The following SFSWAP variants were observed in gnomAD, a reference collection of about 807,000 sequenced individuals.
SFSWAP encodes the protein splicing factor, suppressor of white-apricot homolog.
Under a neutral mutation model 100.7 loss-of-function variants are expected in SFSWAP, and 17 were observed. The ratio of observed to expected loss-of-function variants is 0.17; its 90% CI spans 0.12 to 0.25. The LOEUF (loss-of-function observed/expected upper bound fraction) is 0.25. SFSWAP is among the 10% of genes least tolerant of loss of function. The probability of loss-of-function intolerance (pLI) is 1.00; values close to 1 mark genes in which losing one functional copy is unlikely to be tolerated. For missense variants in SFSWAP, 1,005 were observed against 1,262.6 expected, an observed-to-expected ratio of 0.80 and a Z score of 3.09; for synonymous variants, 504 against 510.1, an observed-to-expected ratio of 0.99 and a Z score of 0.16.
Position 131,778,312 on chromosome 12 carries a change from G to A in SFSWAP, c.2390G>A (p.Arg797Gln), listed in dbSNP as rs1203504469. Residue 797 changes from arginine to glutamine, a missense_variant, in exon 14 of 18, where the codon CGG becomes CAG. Arg to Gln is a conservative substitution (Grantham distance 43). Transcript: ENST00000261674. This position sits in a 1 kb window ranked among gnomAD's most constrained non-coding sequence, Gnocchi z 4.2. The part of the protein sequence containing the change: ...KAKHSLPSAY[R>Q]TVRRSRSRSR... ...AAGCATTCTCTTCCCAGTGCCTATC[G>A]GACAGTGCGGCGGTCGAGGTGGGTG... The A allele has an allele frequency of 2.5e-6, 4 of 1,613,802 alleles. No homozygotes were observed. The highest frequency in any genetic ancestry group is 1.7e-5 in the Admixed American group (1 of 59,946).
chr12:131,762,693 C>T (rs568760687), intron 11 of SFSWAP, among the ~76,000 whole-genome samples: 22 of 152,230 alleles, frequency 1.4e-4, no homozygotes, highest in African/African-American at 4.3e-4. Context: ...CTCTGCCTCC[C>T]GGGTTCAAGT....
chr12:131,783,075 G>A (rs1187235393), intron 14 of SFSWAP, among the ~76,000 whole-genome samples: 1 of 151,928 alleles, frequency 6.6e-6, no homozygotes, highest in Non-Finnish European at 1.5e-5. Context: ...CAGCTACTCG[G>A]GAGGCTGAGG....
At chr12:131,757,202 C>G (rs923867916) in intron 11 of SFSWAP, 7 of 152,966 alleles carry the variant, frequency 4.6e-5, no homozygotes, top group African/African-American at 7.2e-5. Flanking sequence ...AGTGGGCTCC[C>G]CCCGCGGGAG....
chr12:131,777,974 G>A (rs1279307512), intron 13 of SFSWAP, 91 bp from the exon 14 acceptor site: 1 of 1,523,150 alleles, frequency 6.6e-7, no homozygotes, highest in African/African-American at 1.4e-5. Context: ...GTGTTTGTTG[G>A]TGTGAGGGGC....
chr12:131,711,479 C>A lies in SFSWAP; in HGVS notation c.218+32C>A. On this transcript the variant is annotated intron_variant, in intron 1 of 17. Transcript: ENST00000261674. The surrounding 1 kb of genome is among the most constrained non-coding windows in gnomAD (Gnocchi z 4.9). ...TCCTCTCCCCACCCGTCGATCCTTC[C>A]CTTCCCTCACCCGCTTGATCTCGTC... The A allele has an allele frequency of 2.0e-6, 3 of 1,533,180 alleles. No individual in the cohort carries two copies. Among genetic ancestry groups the A allele is most frequent in the Non-Finnish European group, 2.7e-6 (3 of 1,109,306 alleles). The allele number at this position is 1,533,180 out of a possible 1,614,324, so 95.0% of individuals were successfully genotyped here. A position where few individuals can be genotyped will look rare whatever the true frequency, so the allele number is the denominator to read the frequency against.
At chr12:131,728,895 A>G (rs1879246749) in intron 7 of SFSWAP, among the ~76,000 whole-genome samples, 2 of 151,970 alleles carry the variant, frequency 1.3e-5, no homozygotes, top group South Asian at 2.1e-4. Flanking sequence ...GGGTCTCACT[A>G]TGTTGCCCAG....
chr12:131,733,363 GT>G lies in SFSWAP; in HGVS notation c.1081+4936del, dbSNP rs1357390852. On this transcript the variant is annotated intron_variant, in intron 7 of 17. Transcript: ENST00000261674. This position sits in a 1 kb window ranked among gnomAD's most constrained non-coding sequence, Gnocchi z 5.1. Reference sequence around the variant, plus strand: ...CTATAAGGCGCCTTTCACATTGAGGGTCTTAGGATTTGCAGTCCAGCTTTGC... The same window carrying G: ...CTATAAGGCGCCTTTCACATTGAGGGCTTAGGATTTGCAGTCCAGCTTTGC... 6.6e-6 allele frequency among the ~76,000 whole-genome samples: 1 copy of G among 152,166 alleles called. No homozygotes were observed. The highest frequency in any genetic ancestry group is 2.4e-5 in the African/African-American group (1 of 41,440).
chr12:131,756,299 T>C (rs1566031897), intron 10 of SFSWAP, among the ~76,000 whole-genome samples, 174 bp from the exon 11 acceptor site: 2 of 152,254 alleles, frequency 1.3e-5, no homozygotes, highest in African/African-American at 4.8e-5. Context: ...CTTTGATACA[T>C]TCCATTGTAA....
At chr12:131,741,514 G>T (rs1018378202) in intron 7 of SFSWAP, among the ~76,000 whole-genome samples, 2 of 151,976 alleles carry the variant, frequency 1.3e-5, no homozygotes, top group Non-Finnish European at 1.5e-5. Flanking sequence ...GCGCACACCT[G>T]TGGTCCCAGC....
At chr12:131,712,135 T>A (rs1053423246) in intron 1 of SFSWAP, 2 of 152,542 alleles carry the variant, frequency 1.3e-5, no homozygotes, top group African/African-American at 2.4e-5. Context: ...GAAGAGATAG[T>A]GTTCTTAGGG....
rs774006991 is a variant in SFSWAP at position 131,797,222 on chromosome 12, C to A, written c.2579C>A (p.Thr860Asn). ...AAGAAGAGGCGGTCCCGGTCGCGGA[C>A]CAAGTCCAAGGCCAGGTCTCAGTCG... ...KKKKRRSRSR[T>N]KSKARSQSVS... The change falls in exon 16 of 18, where the codon ACC becomes AAC. Residue 860 changes from threonine (T) to asparagine (N), a missense_variant. By Grantham distance (65) the Thr-to-Asn change is moderately conservative. Transcript: ENST00000261674. The A allele has an allele frequency of 6.2e-7, 1 of 1,612,244 alleles. No individual in the cohort carries two copies. Among genetic ancestry groups the A allele is most frequent in the Non-Finnish European group, 8.5e-7 (1 of 1,179,816 alleles).
chr12:131,797,135 T>C, intron 15 of SFSWAP, 43 bp from the exon 16 acceptor site: 1 of 1,575,008 alleles, frequency 6.3e-7, no homozygotes, highest in Non-Finnish European at 8.6e-7. Context: ...TGCCCTGCCT[T>C]TAAACCAAAG....
chr12:131,728,158 C>A, intron 6 of SFSWAP, 135 bp from the exon 7 acceptor site: 8 of 942,214 alleles, frequency 8.5e-6, no homozygotes, highest in Non-Finnish European at 1.3e-5. Context: ...CTCGTTAGGA[C>A]CTCCATGGGT....
intron 15 of SFSWAP, among the ~76,000 whole-genome samples, chr12:131,790,893 G>C (rs1885187865): frequency 1.3e-5 from 2 of 152,086 alleles, no homozygotes; most frequent in African/African-American, 4.8e-5. Context: ...AAACAAAAAT[G>C]TAGCTAAAAA....
At chr12:131,783,814 AT>A (rs1884689970) in intron 14 of SFSWAP, 1 of 135,088 alleles carries the variant, frequency 7.4e-6, no homozygotes, top group African/African-American at 2.6e-5. Flanking sequence ...ATATATATAT[AT>A]ATATATAATT....
At chr12:131,739,143 G>A (rs1221443387) in intron 7 of SFSWAP, among the ~76,000 whole-genome samples, 1 of 151,996 alleles carries the variant, frequency 6.6e-6, no homozygotes, top group East Asian at 1.9e-4. Context: ...CTCCCAAAGT[G>A]CTGGGATTAC....
chr12:131,767,155 C>T (rs943303928), intron 13 of SFSWAP, among the ~76,000 whole-genome samples: 1 of 145,088 alleles, frequency 6.9e-6, no homozygotes, highest in Admixed American at 6.9e-5. Context: ...TGTCCGAGAC[C>T]AGAGGCCTTC....
chr12:131,795,349 T>A (rs1885551725), intron 15 of SFSWAP, among the ~76,000 whole-genome samples: 1 of 152,198 alleles, frequency 6.6e-6, no homozygotes, highest in Non-Finnish European at 1.5e-5. Context: ...CAACACAGTC[T>A]GCTCACGCCC....
Position 131,711,262 on chromosome 12 carries a change from C to G in SFSWAP, c.33C>G (p.Pro11=). Residue 11 remains proline (P), a synonymous_variant, in exon 1 of 18, where the codon CCC becomes CCG. Coordinates refer to ENST00000261674, the MANE Select transcript of SFSWAP (RefSeq NM_004592.4). This position sits in a 1 kb window ranked among gnomAD's most constrained non-coding sequence, Gnocchi z 4.9. Reference sequence around the variant, plus strand: ...GCGCGAGCGGGGGCCGCGCCAAACCCGAGAGGAAAAGCGGCGCGAAGGAGG... The same window carrying G: ...GCGCGAGCGGGGGCCGCGCCAAACCGGAGAGGAAAAGCGGCGCGAAGGAGG... MYGASGGRAK[P]ERKSGAKEEA... is the part of the protein sequence containing the mutation. 2 of 1,610,516 alleles carry G rather than the reference C, an allele frequency of 1.2e-6. No homozygotes were observed. Among genetic ancestry groups the G allele is most frequent in the Non-Finnish European group, 1.7e-6 (2 of 1,179,122 alleles).
Sources: allele counts gnomAD v4.1 joint callset (sites outside exome capture counted in the v4.1 genomes callset), GRCh38; gene constraint gnomAD v4.1.1; non-coding constraint Gnocchi (gnomAD v3.1); transcripts MANE v1.5; gene names NCBI Gene and HGNC (gene_info 2026-07-23, HGNC 2026-07-21).